MYRFL: variants seen among roughly 807,000 people sequenced by gnomAD.
MYRFL encodes the protein myelin regulatory factor-like protein.
Under a neutral mutation model 109.4 loss-of-function variants are expected in MYRFL, and 88 were observed. The observed-to-expected ratio is 0.80, with a 90% CI of 0.68 to 0.96. The LOEUF is 0.96. Among genes scored for constraint, MYRFL ranks in the 40% least tolerant of loss-of-function variants. The pLI is 0.00. For synonymous variants in MYRFL, 324 were observed against 320.9 expected, an observed-to-expected ratio of 1.01 and a Z score of -0.10; for missense variants, 957 against 954.9, an observed-to-expected ratio of 1.00 and a Z score of -0.03.
intron 13 of MYRFL, among the ~76,000 whole-genome samples, chr12:69,920,865 G>A (rs1757585709): frequency 6.6e-6 from 1 of 152,168 alleles, no homozygotes. Context: ...TGCCTCTAGT[G>A]CCCATTTAGA....
intron 15 of MYRFL, among the ~76,000 whole-genome samples, chr12:69,929,853 A>T (rs1320121169): frequency 6.6e-6 from 1 of 152,188 alleles, no homozygotes; most frequent in Non-Finnish European, 1.5e-5. Flanking sequence ...TACTTGCTTC[A>T]TAGGGTTGTA....
Position 69,880,300 on chromosome 12 carries a change from A to G in MYRFL, c.556+8A>G. 1 of 702,406 alleles carries G rather than the reference A, an allele frequency of 1.4e-6. No individual in the cohort carries two copies. Among genetic ancestry groups the G allele is most frequent in the South Asian group, 1.5e-5 (1 of 67,466 alleles). 43.5% of individuals were successfully genotyped at this position (702,406 alleles called of 1,614,324 possible). A position where few individuals can be genotyped will look rare whatever the true frequency, so the allele number is the denominator to read the frequency against. ...CCTGCCACTGCAGACCGAGTGAGCA[A>G]ACCTGGGTGGGAACAAGGGCGATGC... On this transcript the variant is annotated splice_region_variant and intron_variant, in intron 5 of 24. Coordinates refer to ENST00000552032, the MANE Select transcript of MYRFL (RefSeq NM_182530.3).
At chr12:69,832,944 TTGTGTGTG>T (rs57702116) in intron 1 of MYRFL, among the ~76,000 whole-genome samples, 63,036 of 143,526 alleles carry the variant, frequency 0.44, 14,145 homozygotes, top group East Asian at 0.74. Flanking sequence ...AGGAACAGGC[TTGTGTGTG>T]TGTGTGTGTG....
chr12:69,939,996 T>A (rs1955594206), intron 19 of MYRFL, among the ~76,000 whole-genome samples: 1 of 151,720 alleles, frequency 6.6e-6, no homozygotes, highest in Non-Finnish European at 1.5e-5. Context: ...AAGGAAAGTT[T>A]AGAGAAAAAA....
intron 19 of MYRFL, among the ~76,000 whole-genome samples, chr12:69,938,476 A>G (rs375656983): frequency 6.6e-6 from 1 of 152,156 alleles, no homozygotes. Context: ...GAATATAGTC[A>G]TGTGCCACAT....
chr12:69,930,247 G>A (rs1275502420), intron 15 of MYRFL, among the ~76,000 whole-genome samples: 1 of 152,068 alleles, frequency 6.6e-6, no homozygotes, highest in East Asian at 1.9e-4. Context: ...AGCAGTTAGT[G>A]GGTCTTACCA....
At position 69,855,261 on chromosome 12, in the gene MYRFL, T is replaced by C. The variant is rs1457912533; in HGVS notation, c.47-19T>C. 1.3e-5 allele frequency: 9 copies of C among 698,566 alleles called. No homozygotes were observed. The Admixed American group carries it at 1.8e-4, about 14-fold the overall frequency. 43.3% of individuals were successfully genotyped at this position (698,566 alleles called of 1,614,324 possible). A position where few individuals can be genotyped will look rare whatever the true frequency, so the allele number is the denominator to read the frequency against. On this transcript the variant is annotated intron_variant, in intron 1 of 24. Coordinates refer to ENST00000552032, the MANE Select transcript of MYRFL (RefSeq NM_182530.3). The stretch of plus-strand genomic sequence containing the variant: ...CTGAAATCTTCATGTTTCTCAAGAT[T>C]TTCAATTTGCCTTTGCAGCTCAGGG...
chr12:69,910,242 CTG>C (rs1320503385), intron 12 of MYRFL, among the ~76,000 whole-genome samples, 165 bp downstream of exon 12: 1 of 152,150 alleles, frequency 6.6e-6, no homozygotes, highest in Non-Finnish European at 1.5e-5. Context: ...TAAAAAATTT[CTG>C]TGTCATTTTT....
intron 2 of MYRFL, among the ~76,000 whole-genome samples, chr12:69,857,130 C>T (rs976543627): frequency 6.6e-6 from 1 of 151,760 alleles, no homozygotes; most frequent in Non-Finnish European, 1.5e-5. Flanking sequence ...AAATAACTTT[C>T]TTTCATTAAA....
At chr12:69,842,736 A>G (rs1883317852) in intron 1 of MYRFL, among the ~76,000 whole-genome samples, 1 of 152,154 alleles carries the variant, frequency 6.6e-6, no homozygotes, top group Admixed American at 6.5e-5. Flanking sequence ...GATGTTTATC[A>G]TCTTTTACCT....
intron 15 of MYRFL, among the ~76,000 whole-genome samples, chr12:69,928,919 C>T (rs207473037): frequency 3.9e-5 from 6 of 152,164 alleles, no homozygotes; most frequent in Non-Finnish European, 8.8e-5. Context: ...AGTTTGGTCA[C>T]CTGCAATCTC....
At chr12:69,854,478 G>C (rs1350766114) in intron 1 of MYRFL, among the ~76,000 whole-genome samples, 1 of 152,002 alleles carries the variant, frequency 6.6e-6, no homozygotes, top group Non-Finnish European at 1.5e-5. Context: ...TTGCCTCCTG[G>C]GTTCAAGGGA....
chr12:69,911,894 A>G (rs1439777503), intron 13 of MYRFL, among the ~76,000 whole-genome samples: 1 of 152,184 alleles, frequency 6.6e-6, no homozygotes, highest in African/African-American at 2.4e-5. Flanking sequence ...ATCACTGGGA[A>G]TCTTATTAAA....
chr12:69,953,376 A>G (rs1329679568), intron 21 of MYRFL, among the ~76,000 whole-genome samples: 1 of 152,220 alleles, frequency 6.6e-6, no homozygotes, highest in African/African-American at 2.4e-5. Context: ...ATCCATCTCC[A>G]GTGTATGCCT....
rs567686613 is a variant in MYRFL at position 69,895,428 on chromosome 12, C to T, written c.1038C>T (p.Ser346=). The change falls in exon 9 of 25, where the codon AGC becomes AGT. Residue 346 remains serine (S), a synonymous_variant. Coordinates refer to ENST00000552032, the MANE Select transcript of MYRFL (RefSeq NM_182530.3). ...TKVTLGRLHF[S]ETTANNMRKK... is the part of the protein sequence containing the mutation. ...TAACACTGGGACGATTACACTTCAG[C>T]GAAACCACAGCAAATAATATGAGAA... 68 of 1,535,456 alleles carry T rather than the reference C, an allele frequency of 4.4e-5. No individual in the cohort carries two copies. In the African/African-American group the frequency reaches 5.3e-4, roughly 12 times the overall value.
At chr12:69,917,383 CTTTT>C (rs56118035) in intron 13 of MYRFL, among the ~76,000 whole-genome samples, 2 of 102,510 alleles carry the variant, frequency 2.0e-5, no homozygotes, top group Admixed American at 1.2e-4. Flanking sequence ...TATTCACTGA[CTTTT>C]TTTTTTTTTT....
intron 15 of MYRFL, 52 bp downstream of exon 15, chr12:69,927,800 T>C: frequency 6.9e-7 from 1 of 1,458,990 alleles, no homozygotes; most frequent in Non-Finnish European, 9.1e-7. Context: ...ACTTAAAAAG[T>C]CTTTAGAGAA....
chr12:69,827,515 C>G (rs1016215025), intron 1 of MYRFL, among the ~76,000 whole-genome samples: 2 of 151,934 alleles, frequency 1.3e-5, no homozygotes, highest in African/African-American at 4.8e-5. Flanking sequence ...ATCAGGCACT[C>G]TAGAGATCGC....
At chr12:69,920,442 G>T (rs1213098300) in intron 13 of MYRFL, among the ~76,000 whole-genome samples, 5 of 152,160 alleles carry the variant, frequency 3.3e-5, no homozygotes, top group Admixed American at 1.3e-4. Flanking sequence ...GCAACACTAT[G>T]ACCTTTCAGT....
Sources: gnomAD v4.1 joint callset for allele counts (sites outside exome capture counted in the v4.1 genomes callset) on GRCh38, gnomAD v4.1.1 for gene constraint, MANE v1.5 for transcripts, NCBI Gene and HGNC (gene_info 2026-07-23, HGNC 2026-07-21) for gene names.